The following SLC8A1 variants were observed in gnomAD, a reference collection of about 807,000 sequenced individuals.
The protein encoded by SLC8A1 is sodium/calcium exchanger 1.
Under a neutral mutation model 68.3 loss-of-function variants are expected in SLC8A1, and 18 were observed. The observed-to-expected ratio is 0.26, with a 90% CI of 0.18 to 0.39. The LOEUF is 0.39. Ranked by LOEUF, SLC8A1 falls within the 10% of genes least tolerant of loss-of-function variation. The pLI, the probability that SLC8A1 is intolerant of heterozygous loss-of-function variation, is 1.00. For missense variants in SLC8A1, 985 were observed against 1,156.7 expected (o/e 0.85, Z 2.15); for synonymous variants, 475 against 415.5 (o/e 1.14, Z -1.74).
intron 2 of SLC8A1, chr2:40,190,807 T>C (rs527757285): frequency 6.6e-6 from 1 of 152,230 alleles, no homozygotes; most frequent in Non-Finnish European, 1.5e-5. Flanking sequence ...AGTCTTATTA[T>C]TATTCTCAAG....
intron 1 of SLC8A1, among the ~76,000 whole-genome samples, chr2:40,458,630 T>A (rs1218351315): frequency 6.6e-6 from 1 of 152,140 alleles, no homozygotes; most frequent in African/African-American, 2.4e-5. Context: ...TGCTCTGCGA[T>A]GACAGACAGA....
intron 6 of SLC8A1, among the ~76,000 whole-genome samples, chr2:40,160,008 T>G (rs915971214): frequency 6.6e-6 from 1 of 152,142 alleles, no homozygotes; most frequent in African/African-American, 2.4e-5. Context: ...TGGAGGGATC[T>G]TTAAAGAGAG....
intron 2 of SLC8A1, among the ~76,000 whole-genome samples, chr2:40,379,238 T>C (rs917984847): frequency 2.6e-5 from 4 of 152,270 alleles, no homozygotes; most frequent in Admixed American, 2.6e-4. Flanking sequence ...GCTTAATCAT[T>C]TGAATCTCTA....
chr2:40,235,100 G>A (rs981310839), intron 2 of SLC8A1, among the ~76,000 whole-genome samples: 1 of 152,058 alleles, frequency 6.6e-6, no homozygotes, highest in South Asian at 2.1e-4. Context: ...GTATCAGAAT[G>A]ATGCTGGCTT....
At chr2:40,290,668 A>G (rs377507757) in intron 2 of SLC8A1, among the ~76,000 whole-genome samples, 4 of 152,296 alleles carry the variant, frequency 2.6e-5, no homozygotes, top group African/African-American at 9.6e-5. Context: ...AAAGTATTTT[A>G]TTTGCCAGAG....
chr2:40,163,517 T>G (rs1049450553), intron 5 of SLC8A1, among the ~76,000 whole-genome samples: 1 of 151,882 alleles, frequency 6.6e-6, no homozygotes, highest in Non-Finnish European at 1.5e-5. Flanking sequence ...AAAAGATGAG[T>G]AGATGGGTCA....
At chr2:40,175,380 T>A (rs2048288565) in intron 3 of SLC8A1, 99 bp from the exon 4 acceptor site, 1 of 1,228,410 alleles carries the variant, frequency 8.1e-7, no homozygotes, top group Admixed American at 1.9e-5. Context: ...GCAGATCTGA[T>A]TACAGTGGTA....
chr2:40,180,438 C>T (rs2049288474), intron 2 of SLC8A1, among the ~76,000 whole-genome samples: 1 of 152,200 alleles, frequency 6.6e-6, no homozygotes, highest in South Asian at 2.1e-4. Flanking sequence ...TCTTTGTCAA[C>T]AAAACTTACG....
At chr2:40,320,831 C>T (rs187899713) in intron 2 of SLC8A1, among the ~76,000 whole-genome samples, 5 of 152,166 alleles carry the variant, frequency 3.3e-5, no homozygotes, top group South Asian at 2.1e-4. Context: ...AAAATGTGGC[C>T]GACCTCTTCT....
At chr2:40,394,556 GAT>G (rs1043825425) in intron 2 of SLC8A1, among the ~76,000 whole-genome samples, 7 of 152,084 alleles carry the variant, frequency 4.6e-5, no homozygotes, top group Admixed American at 3.3e-4. Context: ...ATTTCGATAA[GAT>G]TATACAGAGC....
intron 2 of SLC8A1, among the ~76,000 whole-genome samples, chr2:40,313,830 T>G (rs1383776351): frequency 6.6e-6 from 1 of 152,128 alleles, no homozygotes; most frequent in African/African-American, 2.4e-5. Flanking sequence ...TAACATATAT[T>G]TTCTTTAGTG....
At chr2:40,241,313 A>C (rs984446597) in intron 2 of SLC8A1, among the ~76,000 whole-genome samples, 11 of 152,214 alleles carry the variant, frequency 7.2e-5, no homozygotes, top group African/African-American at 2.4e-4. Flanking sequence ...ATACACGGAC[A>C]TAAACGTGGG....
chr2:40,390,642 A>T (rs1342595497), intron 2 of SLC8A1, among the ~76,000 whole-genome samples: 1 of 152,098 alleles, frequency 6.6e-6, no homozygotes, highest in South Asian at 2.1e-4. Flanking sequence ...CTTATCCTAT[A>T]GACAGATCAT....
chr2:40,492,962 A>G (rs2149926297), intron 1 of SLC8A1, among the ~76,000 whole-genome samples: 1 of 152,304 alleles, frequency 6.6e-6, no homozygotes, highest in Admixed American at 6.5e-5. Context: ...CTAGAACTAG[A>G]AATACCATTT....
intron 2 of SLC8A1, among the ~76,000 whole-genome samples, chr2:40,426,556 G>A (rs1248476586): frequency 2.0e-5 from 3 of 151,940 alleles, no homozygotes; most frequent in Non-Finnish European, 4.4e-5. Context: ...GGTTATTTAT[G>A]GTTTGGTAAA....
chr2:40,213,726 C>A (rs150988799), intron 2 of SLC8A1, among the ~76,000 whole-genome samples: 6 of 152,246 alleles, frequency 3.9e-5, no homozygotes, highest in African/African-American at 1.2e-4. Context: ...GTAGAAGGGG[C>A]GAAGTCCACT....
chr2:40,247,513 C>T (rs1272220573), intron 2 of SLC8A1, among the ~76,000 whole-genome samples: 1 of 151,980 alleles, frequency 6.6e-6, no homozygotes, highest in African/African-American at 2.4e-5. Flanking sequence ...TTTAAATAAA[C>T]CCTTCCTTAT....
At chr2:40,109,242 A>T (rs1282986617) in exon 8 of SLC8A1, 1 of 152,038 alleles carries the variant, frequency 6.6e-6, no homozygotes, top group Non-Finnish European at 1.5e-5. Context: ...GAAGCATTTG[A>T]CCCACTCATA....
rs546566620 is a variant in SLC8A1 at position 40,373,995 on chromosome 2, C to A, written c.1808+54478G>T. 4.2e-4 allele frequency among the ~76,000 whole-genome samples: 64 copies of A among 152,234 alleles called. No homozygotes were observed. The South Asian group carries it at 0.012, about 30-fold the overall frequency. ...TCTCAAGAAATCTGAGAAGAGGTAT[C>A]AGATACACTCCTTGCCTGACCCAGT... On this transcript the variant is annotated intron_variant, in intron 2 of 7. Coordinates refer to ENST00000406785, the Ensembl canonical transcript of SLC8A1.
Sources: allele counts gnomAD v4.1 joint callset (sites outside exome capture counted in the v4.1 genomes callset), GRCh38; gene constraint gnomAD v4.1.1; transcripts MANE v1.5; gene names NCBI Gene and HGNC (gene_info 2026-07-23, HGNC 2026-07-21).